Variants in ZNF667 observed in about 807,000 individuals in gnomAD.
ZNF667 encodes myocardial ischemic preconditioning upregulated 1 ortholog.
ZNF667 carries 13 observed loss-of-function variants against 31.8 expected under a neutral mutation model. That is an observed-to-expected ratio of 0.41 (90% CI 0.27 to 0.65). The LOEUF (loss-of-function observed/expected upper bound fraction) is 0.65, where lower values mean the gene tolerates loss of function less well. Among genes scored for constraint, ZNF667 ranks in the 30% least tolerant of loss-of-function variants. The probability of loss-of-function intolerance (pLI) is 0.32; values close to 1 mark genes in which losing one functional copy is unlikely to be tolerated. For missense variants in ZNF667, 642 were observed against 725.6 expected (o/e 0.88, Z 1.32); for synonymous variants, 228 against 247.1 (o/e 0.92, Z 0.73).
chr19:56,442,221 G>A lies in ZNF667; in HGVS notation c.774C>T (p.Cys258=), dbSNP rs143660901. 46 of 1,614,030 alleles carry A rather than the reference G, an allele frequency of 2.9e-5. No homozygotes were observed. The highest frequency in any genetic ancestry group is 3.5e-5 in the Non-Finnish European group (41 of 1,180,002). The change falls in exon 7 of 7, where the codon TGC becomes TGT. Residue 258 remains cysteine (C), a synonymous_variant. Coordinates refer to ENST00000504904, the MANE Select transcript of ZNF667 (RefSeq NM_001321356.2). Reference sequence around the variant, plus strand: ...ATGACATCTGATTGAAGGCTTTTCCGCACTTTCTGCACTGGCAGACATTCC... The same window carrying A: ...ATGACATCTGATTGAAGGCTTTTCCACACTTTCTGCACTGGCAGACATTCC... ...VVGNVCQCRK[C]GKAFNQMSSL...
Position 56,440,543 on chromosome 19 carries a change from T to C in ZNF667, c.*619A>G. 1 of 954,604 alleles carries C rather than the reference T, an allele frequency of 1.0e-6. No homozygotes were observed. Among genetic ancestry groups the C allele is most frequent in the Non-Finnish European group, 1.2e-6 (1 of 801,764 alleles). The allele number at this position is 954,604 out of a possible 1,614,324, so 59.1% of individuals were successfully genotyped here. A position where few individuals can be genotyped will look rare whatever the true frequency, so the allele number is the denominator to read the frequency against. ...AAATTCTTTTTTCTGTGACCTTAAA[T>C]CAGGCTCAGAGCCCTATAATGGACT... is the stretch of plus-strand genomic sequence containing the variant. On this transcript the variant is annotated 3_prime_UTR_variant, in exon 7 of 7. Coordinates refer to ENST00000504904, the MANE Select transcript of ZNF667 (RefSeq NM_001321356.2).
At chr19:56,450,662 A>G (rs2042803708) in intron 6 of ZNF667, among the ~76,000 whole-genome samples, 1 of 152,240 alleles carries the variant, frequency 6.6e-6, no homozygotes, top group Non-Finnish European at 1.5e-5. Context: ...CGGCAACTAC[A>G]ACAACTCAAG....
intron 6 of ZNF667, among the ~76,000 whole-genome samples, chr19:56,451,979 G>A (rs921871281): frequency 6.6e-6 from 1 of 150,486 alleles, no homozygotes; most frequent in East Asian, 1.9e-4. Flanking sequence ...GAAGAACTTT[G>A]GAAAGTATAC....
At chr19:56,466,003 G>A (rs1222129173) in intron 3 of ZNF667, among the ~76,000 whole-genome samples, 4 of 152,198 alleles carry the variant, frequency 2.6e-5, no homozygotes, top group South Asian at 4.1e-4. Flanking sequence ...AGAGAATGCC[G>A]ACGTAACCAG....
upstream of ZNF667, chr19:56,478,037 A>C (rs1431445358): frequency 1.3e-5 from 2 of 152,498 alleles, no homozygotes; most frequent in African/African-American, 4.8e-5. Flanking sequence ...ACTCACCTGC[A>C]CGTTTTGCGA....
At position 56,441,801 on chromosome 19, in the gene ZNF667, A is replaced by T. The variant is rs540458422; in HGVS notation, c.1194T>A (p.His398Gln). Residue 398 changes from histidine to glutamine, a missense_variant, in exon 7 of 7, where the codon CAT becomes CAA. Coordinates refer to ENST00000504904, the MANE Select transcript of ZNF667 (RefSeq NM_001321356.2). The surrounding 1 kb of genome is among the most constrained non-coding windows in gnomAD (Gnocchi z 4.2). ...CNKCEKVCNR[H>Q]SSLIQHQKVH... Reference sequence around the variant, plus strand: ...CTTTCTGATGTTGAATAAGGGATGAATGCCGATTGCAGACCTTCTCACATT... The same window carrying T: ...CTTTCTGATGTTGAATAAGGGATGATTGCCGATTGCAGACCTTCTCACATT... 6.2e-7 allele frequency: 1 copy of T among 1,614,082 alleles called. No homozygotes were observed. The highest frequency in any genetic ancestry group is 8.5e-7 in the Non-Finnish European group (1 of 1,179,998).
In ZNF667 at chr19:56,470,153, G is replaced by T. The variant is rs150924705; in HGVS notation, c.-60+1546C>A. On this transcript the variant is annotated intron_variant, in intron 3 of 6. Transcript: ENST00000504904. The stretch of plus-strand genomic sequence containing the variant: ...AAGGGAGGACAAAGGGCTGCTGGAG[G>T]ATGAGATGAGATCATATCAGTCAGT... The T allele has an allele frequency of 1.6e-3, 643 of 407,114 alleles. 1 individual carries two copies. The highest frequency in any genetic ancestry group is 2.4e-3 in the Non-Finnish European group (479 of 200,444). 25.2% of individuals were successfully genotyped at this position (407,114 alleles called of 1,614,324 possible).
chr19:56,473,746 T>G (rs910665273), intron 2 of ZNF667, among the ~76,000 whole-genome samples: 16 of 152,044 alleles, frequency 1.1e-4, no homozygotes, highest in African/African-American at 3.6e-4. Flanking sequence ...CTGAAAAACC[T>G]CCAAGATAAA....
At position 56,442,254 on chromosome 19, in the gene ZNF667, A is replaced by G. The variant is rs374314584; in HGVS notation, c.741T>C (p.His247=). 67 of 1,614,034 alleles carry G rather than the reference A, an allele frequency of 4.2e-5. No homozygotes were observed. The highest frequency in any genetic ancestry group is 5.4e-5 in the Non-Finnish European group (64 of 1,180,032). The change falls in exon 7 of 7, where the codon CAT becomes CAC. Residue 247 remains histidine, a synonymous_variant. Coordinates refer to ENST00000504904, the MANE Select transcript of ZNF667 (RefSeq NM_001321356.2). ...CQSFNIHQKI[H]VVGNVCQCRK... ...TGCACTGGCAGACATTCCCAACAAC[A>G]TGAATTTTCTGATGTATATTGAAAG...
At chr19:56,477,575 C>T (rs975834476), upstream of ZNF667, 2 of 152,724 alleles carry the variant, frequency 1.3e-5, no homozygotes, top group African/African-American at 4.8e-5. Context: ...GCGCACACCC[C>T]CGAGGCTGGC....
rs924737447 is a variant in ZNF667 at position 56,453,887 on chromosome 19, G to A, written c.253+4268C>T. Among the ~76,000 whole-genome samples, 37 of 152,158 alleles carry A rather than the reference G, an allele frequency of 2.4e-4. 1 individual carries two copies. The highest frequency in any genetic ancestry group is 4.4e-5 in the Non-Finnish European group (3 of 68,014). On this transcript the variant is annotated intron_variant, in intron 6 of 6. Coordinates refer to ENST00000504904, the MANE Select transcript of ZNF667 (RefSeq NM_001321356.2). ...AAATAAAAGGCATCCAAGTTGGAAAGGAAGACGTCAAATTCTTCTTCTTTG... is the reference window on the plus strand; with the variant it reads ...AAATAAAAGGCATCCAAGTTGGAAAAGAAGACGTCAAATTCTTCTTCTTTG...
At chr19:56,450,891 T>C (rs2042808188) in intron 6 of ZNF667, among the ~76,000 whole-genome samples, 1 of 151,454 alleles carries the variant, frequency 6.6e-6, no homozygotes, top group East Asian at 1.9e-4. Flanking sequence ...AAAATATAAT[T>C]CAAGAAATCA....
intron 3 of ZNF667, among the ~76,000 whole-genome samples, chr19:56,465,737 A>C (rs908194773): frequency 2.6e-5 from 4 of 152,204 alleles, no homozygotes; most frequent in Admixed American, 6.5e-5. Context: ...CCCATGTCAG[A>C]GGAAACAAGC....
intron 6 of ZNF667, among the ~76,000 whole-genome samples, chr19:56,456,936 T>C (rs937786817): frequency 6.6e-6 from 1 of 152,198 alleles, no homozygotes; most frequent in African/African-American, 2.4e-5. Context: ...TGTAAAATAA[T>C]GCACGTGTCT....
intron 6 of ZNF667, 25 bp from the exon 7 acceptor site, chr19:56,442,766 G>A (rs1311943508): frequency 6.7e-7 from 1 of 1,499,422 alleles, no homozygotes; most frequent in East Asian, 2.3e-5. Context: ...GGAATTAAAT[G>A]TTTCTCCTTT....
intron 2 of ZNF667, chr19:56,472,416 T>C (rs1261923176): frequency 6.6e-6 from 1 of 152,216 alleles, no homozygotes; most frequent in Non-Finnish European, 1.5e-5. Context: ...CACAATACAG[T>C]TGACCCTTGA....
chr19:56,439,353 TTTTA>T lies in ZNF667; in HGVS notation c.*1805_*1808del, dbSNP rs1210476938. ...ATCCAATTACAAAAAAGTTATCTGA[TTTTA>T]TTTCTTATATATTTGGCACAAACAG... On this transcript the variant is annotated 3_prime_UTR_variant, in exon 7 of 7. Transcript: ENST00000504904. 1.3e-5 allele frequency: 2 copies of T among 152,226 alleles called. No individual in the cohort carries two copies. The highest frequency in any genetic ancestry group is 2.9e-5 in the Non-Finnish European group (2 of 68,036). The allele number at this position is 152,226 out of a possible 1,614,324, so 9.4% of individuals were successfully genotyped here.
intron 1 of ZNF667, among the ~76,000 whole-genome samples, chr19:56,476,289 C>T (rs1289881858): frequency 2.0e-5 from 3 of 152,172 alleles, no homozygotes; most frequent in Non-Finnish European, 4.4e-5. Context: ...CTGTCCTCCA[C>T]TCAAATGTAC....
At chr19:56,469,571 G>A (rs2043241750) in intron 3 of ZNF667, among the ~76,000 whole-genome samples, 1 of 152,170 alleles carries the variant, frequency 6.6e-6, no homozygotes, top group African/African-American at 2.4e-5. Context: ...TGAAGGGGCT[G>A]CCACAGCCCC....
Sources: gnomAD v4.1 joint callset for allele counts (sites outside exome capture counted in the v4.1 genomes callset) on GRCh38, gnomAD v4.1.1 for gene constraint, Gnocchi (gnomAD v3.1) non-coding constraint, MANE v1.5 for transcripts, NCBI Gene and HGNC (gene_info 2026-07-23, HGNC 2026-07-21) for gene names.